The following SLC6A5 variants were observed in gnomAD, a reference collection of about 807,000 sequenced individuals.
The protein encoded by SLC6A5 is sodium- and chloride-dependent glycine transporter 2.
In SLC6A5, 58 loss-of-function variants were observed where a neutral mutation model predicts 90.5. That is an observed-to-expected ratio of 0.64 (90% CI 0.52 to 0.80). The LOEUF (loss-of-function observed/expected upper bound fraction) is 0.80, where lower values mean the gene tolerates loss of function less well. Ranked by LOEUF, SLC6A5 falls within the 30% of genes least tolerant of loss-of-function variation. The pLI is 0.00. For missense variants in SLC6A5, 1,015 were observed against 1,017.6 expected (o/e 1.00, Z 0.03); for synonymous variants, 427 against 401.4 (o/e 1.06, Z -0.76).
chr11:20,618,470 C>G (rs4922794), intron 7 of SLC6A5, among the ~76,000 whole-genome samples: 107,318 of 152,044 alleles, frequency 0.71, 37,928 homozygotes, highest in South Asian at 0.78. Context: ...TGAGCAATTA[C>G]TTGGTAAGGG....
At chr11:20,626,364 G>C (rs544479050) in intron 7 of SLC6A5, among the ~76,000 whole-genome samples, 5 of 151,836 alleles carry the variant, frequency 3.3e-5, no homozygotes. Flanking sequence ...GTGCTCTAGC[G>C]GGCATGGGCA....
chr11:20,608,587 A>G (rs1224623096), intron 5 of SLC6A5, among the ~76,000 whole-genome samples: 1 of 152,226 alleles, frequency 6.6e-6, no homozygotes, highest in Admixed American at 6.5e-5. Flanking sequence ...CTCTACAAAT[A>G]AAAGGTGCTA....
chr11:20,630,835 C>T lies in SLC6A5; in HGVS notation c.1624+20C>T. 1 of 1,613,814 alleles carries T rather than the reference C, an allele frequency of 6.2e-7. No homozygotes were observed. The highest frequency in any genetic ancestry group is 8.5e-7 in the Non-Finnish European group (1 of 1,179,718). On this transcript the variant is annotated intron_variant, in intron 10 of 15. Coordinates refer to ENST00000525748, the MANE Select transcript of SLC6A5 (RefSeq NM_004211.5). ...ACCAAGGTACAGGACAGTTGTTACCCTGCTGTTGCAGGGCAGGTCCCAGGC... is the reference window on the plus strand; with the variant it reads ...ACCAAGGTACAGGACAGTTGTTACCTTGCTGTTGCAGGGCAGGTCCCAGGC...
At chr11:20,600,350 A>AGAG (rs1164083961) in intron 1 of SLC6A5, among the ~76,000 whole-genome samples, 50 of 116,082 alleles carry the variant, frequency 4.3e-4, no homozygotes, top group South Asian at 1.4e-3. Context: ...AAGAAGAAGA[A>AGAG]GAAGAAGAAG....
At chr11:20,646,349 A>C (rs1853414966) in intron 13 of SLC6A5, among the ~76,000 whole-genome samples, 1 of 152,176 alleles carries the variant, frequency 6.6e-6, no homozygotes, top group African/African-American at 2.4e-5. Flanking sequence ...ACAAAGATAA[A>C]TGACTCATTG....
At chr11:20,637,804 A>G (rs893923206) in intron 12 of SLC6A5, among the ~76,000 whole-genome samples, 1 of 152,240 alleles carries the variant, frequency 6.6e-6, no homozygotes, top group Non-Finnish European at 1.5e-5. Context: ...ATTTCTGATG[A>G]TTAATGTCAT....
At chr11:20,616,892 C>G (rs1010393788) in intron 6 of SLC6A5, among the ~76,000 whole-genome samples, 1 of 152,222 alleles carries the variant, frequency 6.6e-6, no homozygotes, top group Admixed American at 6.5e-5. Flanking sequence ...TCCTACAGAG[C>G]CTGGATGCTG....
intron 10 of SLC6A5, among the ~76,000 whole-genome samples, chr11:20,631,420 C>A (rs993286840): frequency 5.9e-5 from 9 of 152,172 alleles, no homozygotes; most frequent in Non-Finnish European, 8.8e-5. Flanking sequence ...TTACTCTCTA[C>A]CCAAATGATC....
intron 10 of SLC6A5, among the ~76,000 whole-genome samples, chr11:20,632,154 T>C (rs969914257): frequency 6.6e-6 from 1 of 152,116 alleles, no homozygotes; most frequent in African/African-American, 2.4e-5. Flanking sequence ...TCCTTAGAGG[T>C]ACTGGAGTCA....
intron 7 of SLC6A5, among the ~76,000 whole-genome samples, chr11:20,622,973 G>A (rs1410811921): frequency 6.6e-6 from 1 of 152,194 alleles, no homozygotes; most frequent in Non-Finnish European, 1.5e-5. Flanking sequence ...TGAGACGTCA[G>A]ATGCCCTTGG....
intron 5 of SLC6A5, among the ~76,000 whole-genome samples, chr11:20,609,975 A>G (rs916368533): frequency 6.6e-6 from 1 of 152,216 alleles, no homozygotes; most frequent in African/African-American, 2.4e-5. Context: ...AAGTGAGACC[A>G]GCGGCTTTAC....
At chr11:20,643,018 C>G (rs1472180392) in intron 13 of SLC6A5, among the ~76,000 whole-genome samples, 3 of 152,216 alleles carry the variant, frequency 2.0e-5, no homozygotes, top group Non-Finnish European at 4.4e-5. Context: ...CTCTTTATCC[C>G]CTCTCGGGGA....
chr11:20,604,247 C>T (rs1852532190), intron 2 of SLC6A5, 39 bp from the exon 3 acceptor site: 1 of 1,582,502 alleles, frequency 6.3e-7, no homozygotes, highest in African/African-American at 1.3e-5. Context: ...TGTGGACCTA[C>T]TCGGGGCTGT....
chr11:20,611,875 A>G (rs1236093083), intron 5 of SLC6A5, among the ~76,000 whole-genome samples: 1 of 151,548 alleles, frequency 6.6e-6, no homozygotes, highest in Non-Finnish European at 1.5e-5. Context: ...TCCTGGGCCC[A>G]GGCTGTCCCT....
At position 20,600,399 on chromosome 11, in the gene SLC6A5, G is replaced by GAAGAAGAAGAAGAAGAAGAAGAA. The variant is rs1182102601; in HGVS notation, c.4-717_4-716insAGAAGAAGAAAAGAAGAAGAAGA. On this transcript the variant is annotated intron_variant, in intron 1 of 15. Transcript: ENST00000525748. ...AGAAGAAGAAGAAGAAGAAGAAGAA[G>GAAGAAGAAGAAGAAGAAGAAGAA]AAGAAGAAGAAGACCTAAACAAAAG... Among the ~76,000 whole-genome samples, 110 of 139,150 alleles carry GAAGAAGAAGAAGAAGAAGAAGAA rather than the reference G, an allele frequency of 7.9e-4. 2 individuals are homozygous for GAAGAAGAAGAAGAAGAAGAAGAA. Among genetic ancestry groups the GAAGAAGAAGAAGAAGAAGAAGAA allele is most frequent in the African/African-American group, 2.8e-3 (107 of 37,738 alleles). The allele number at this position is 139,150 out of a possible 152,430, so 91.3% of individuals were successfully genotyped here.
intron 13 of SLC6A5, among the ~76,000 whole-genome samples, chr11:20,644,479 G>C (rs1266113363): frequency 6.6e-6 from 1 of 152,200 alleles, no homozygotes; most frequent in Non-Finnish European, 1.5e-5. Context: ...CCATTCATCA[G>C]TTGATGTGCA....
At chr11:20,635,410 C>G (rs1159635289) in intron 10 of SLC6A5, among the ~76,000 whole-genome samples, 2 of 151,670 alleles carry the variant, frequency 1.3e-5, no homozygotes, top group African/African-American at 2.4e-5. Flanking sequence ...CGCCCCCCCG[C>G]AACCCGACTA....
chr11:20,643,869 A>G (rs892311847), intron 13 of SLC6A5, among the ~76,000 whole-genome samples: 3 of 152,062 alleles, frequency 2.0e-5, no homozygotes, highest in Admixed American at 2.0e-4. Context: ...GCTGTACATG[A>G]GGGGTGGCTG....
chr11:20,641,897 G>T (rs1590178012), intron 13 of SLC6A5, among the ~76,000 whole-genome samples: 2 of 151,942 alleles, frequency 1.3e-5, no homozygotes, highest in East Asian at 3.9e-4. Flanking sequence ...GAGCCCTTTT[G>T]TTGCCCAGAG....
Sources: gnomAD v4.1 joint callset for allele counts (sites outside exome capture counted in the v4.1 genomes callset) on GRCh38, gnomAD v4.1.1 for gene constraint, MANE v1.5 for transcripts, NCBI Gene and HGNC (gene_info 2026-07-23, HGNC 2026-07-21) for gene names.